Variants in MALSU1 observed in about 807,000 individuals in gnomAD.
The protein encoded by MALSU1 is mitochondrial assembly of ribosomal large subunit protein 1.
MALSU1 carries 22 observed loss-of-function variants against 22.1 expected under a neutral mutation model. That is an observed-to-expected ratio of 1.00 (90% confidence interval 0.71 to 1.42). MALSU1 has a LOEUF of 1.42. Ranked by LOEUF, MALSU1 falls within the 40% of genes most tolerant of loss-of-function variation. MALSU1 has a pLI of 0.00. For missense variants in MALSU1, 379 were observed against 308.3 expected (o/e 1.23, Z -1.72); for synonymous variants, 153 against 118.5 (o/e 1.29, Z -1.89).
At chr7:23,304,624 C>G (rs1398815576) in intron 2 of MALSU1, among the ~76,000 whole-genome samples, 1 of 152,182 alleles carries the variant, frequency 6.6e-6, no homozygotes, top group African/African-American at 2.4e-5. Context: ...CTCAGCCTCC[C>G]AAGTTGCTAG....
chr7:23,304,185 T>C lies in MALSU1; in HGVS notation c.435+3168T>C, dbSNP rs758237164. On this transcript the variant is annotated intron_variant, in intron 2 of 3. Coordinates refer to ENST00000466681, the MANE Select transcript of MALSU1 (RefSeq NM_138446.2). ...AAAGAAATGGGATTGCTGGATCATA[T>C]AGTGATTCTGTTTTTAATTTTTTTT... Among the ~76,000 whole-genome samples the C allele has an allele frequency of 1.4e-4, 22 of 152,220 alleles. No homozygotes were observed. In the East Asian group the frequency reaches 2.1e-3, roughly 15 times the overall value.
intron 2 of MALSU1, among the ~76,000 whole-genome samples, chr7:23,305,969 C>T (rs985294841): frequency 2.6e-5 from 4 of 152,130 alleles, no homozygotes; most frequent in Non-Finnish European, 5.9e-5. Flanking sequence ...CCGAGGCAGG[C>T]AGATCACCTG....
chr7:23,307,054 C>G (rs960132548), intron 2 of MALSU1, among the ~76,000 whole-genome samples: 1 of 152,112 alleles, frequency 6.6e-6, no homozygotes, highest in Non-Finnish European at 1.5e-5. Context: ...TAGTTATGGT[C>G]TATTGAAACT....
chr7:23,299,448 C>T lies in MALSU1; in HGVS notation c.96C>T (p.Pro32=), dbSNP rs781098009. Residue 32 remains proline, a synonymous_variant, in exon 1 of 4, where the codon CCC becomes CCT. Coordinates refer to ENST00000466681, the MANE Select transcript of MALSU1 (RefSeq NM_138446.2). The part of the protein sequence containing the change: ...SVAGSAVGAE[P]GLRLLAVQRL... ...CGGGGTCCGCGGTTGGAGCCGAGCC[C>T]GGGCTTCGGCTGCTGGCCGTGCAGC... The T allele has an allele frequency of 3.1e-6, 5 of 1,606,774 alleles. No homozygotes were observed. The highest frequency in any genetic ancestry group is 1.7e-4 in the Middle Eastern group (1 of 5,806).
At chr7:23,309,214 A>G (rs1198914330) in intron 3 of MALSU1, 142 bp from the exon 4 acceptor site, 3 of 676,284 alleles carry the variant, frequency 4.4e-6, no homozygotes, top group Non-Finnish European at 7.3e-6. Flanking sequence ...TTTTGCTGGG[A>G]TGGAGTCCAC....
chr7:23,303,338 A>G (rs772104320), intron 2 of MALSU1, among the ~76,000 whole-genome samples: 13 of 152,240 alleles, frequency 8.5e-5, no homozygotes, highest in Admixed American at 2.0e-4. Flanking sequence ...AGGTTCATCC[A>G]TGTAGTAGCA....
chr7:23,309,528 G>GT lies in MALSU1; in HGVS notation c.692dup (p.Leu231PhefsTer4), dbSNP rs1562659298. The GT allele has an allele frequency of 1.9e-6, 3 of 1,595,868 alleles. No individual in the cohort carries two copies. Reference sequence around the variant, plus strand: ...ATACTTCATCTGTGACTCCAGTGGAGTTAAAATGTGAATAAAATATTTTAT... The same window carrying GT: ...ATACTTCATCTGTGACTCCAGTGGAGTTTAAAATGTGAATAAAATATTTTAT... On this transcript the variant is annotated frameshift_variant, in exon 4 of 4. Transcript: ENST00000466681. LOFTEE classifies it high-confidence loss of function.
intron 2 of MALSU1, 22 bp from the exon 3 acceptor site, chr7:23,307,846 T>C: frequency 1.3e-6 from 2 of 1,583,448 alleles, no homozygotes; most frequent in Non-Finnish European, 1.7e-6. Context: ...CTCCCTTTAA[T>C]AAACCACCTG....
Position 23,299,571 on chromosome 7 carries a change from G to A in MALSU1, c.219G>A (p.Gly73=). The A allele has an allele frequency of 3.1e-6, 5 of 1,604,510 alleles. No individual in the cohort carries two copies. Among genetic ancestry groups the A allele is most frequent in the Non-Finnish European group, 4.3e-6 (5 of 1,175,984 alleles). ...SEPGLEERAE[G]TVNEGRPESD... is the part of the protein sequence containing the mutation. ...CTGGGCTGGAGGAGCGGGCGGAGGG[G>A]ACGGTCAACGAGGGACGCCCAGAAT... The change falls in exon 1 of 4, where the codon GGG becomes GGA. Residue 73 remains glycine, a synonymous_variant. Coordinates refer to ENST00000466681, the MANE Select transcript of MALSU1 (RefSeq NM_138446.2).
intron 2 of MALSU1, among the ~76,000 whole-genome samples, chr7:23,303,931 C>A (rs1344690766): frequency 2.0e-5 from 3 of 151,334 alleles, no homozygotes; most frequent in East Asian, 3.9e-4. Context: ...AATGGTGAAA[C>A]CCTGTCTCTA....
chr7:23,299,937 G>A (rs893880346), intron 1 of MALSU1, among the ~76,000 whole-genome samples: 9 of 152,166 alleles, frequency 5.9e-5, no homozygotes, highest in Non-Finnish European at 2.9e-5. Context: ...GTTGGGGCTT[G>A]AGGATTCTGA....
intron 2 of MALSU1, among the ~76,000 whole-genome samples, chr7:23,302,811 CTG>C (rs1298344743): frequency 6.6e-6 from 1 of 152,202 alleles, no homozygotes; most frequent in Non-Finnish European, 1.5e-5. Context: ...GAGTCTCGCT[CTG>C]TCGCCCAGGC....
chr7:23,309,340 T>TATC lies in MALSU1; in HGVS notation c.518-15_518-13dup. 4 of 1,598,262 alleles carry TATC rather than the reference T, an allele frequency of 2.5e-6. No individual in the cohort carries two copies. The highest frequency in any genetic ancestry group is 3.4e-6 in the Non-Finnish European group (4 of 1,173,756). ...TGAACTATTCCTTCATTGTATCTCT[T>TATC]ATCTGTCCCTGACAGGCAGCATGGT... On this transcript the variant is annotated splice_polypyrimidine_tract_variant and intron_variant, in intron 3 of 3. Coordinates refer to ENST00000466681, the MANE Select transcript of MALSU1 (RefSeq NM_138446.2).
intron 1 of MALSU1, 150 bp from the exon 2 acceptor site, chr7:23,300,689 A>C (rs937654978): frequency 1.6e-6 from 1 of 640,734 alleles, no homozygotes; most frequent in African/African-American, 1.8e-5. Flanking sequence ...GCCCAGGTTC[A>C]CCTTCCAGGA....
rs760838226 is a variant in MALSU1 at position 23,299,365 on chromosome 7, G to C, written c.13G>C (p.Gly5Arg). 6.3e-7 allele frequency: 1 copy of C among 1,578,516 alleles called. No individual in the cohort carries two copies. The highest frequency in any genetic ancestry group is 2.3e-5 in the East Asian group (1 of 44,348). MGPG[G>R]RVARLLAPLM... ...CAAGGCTGCTGCTATGGGGCCGGGC[G>C]GCCGTGTGGCGCGGCTGCTCGCCCC... is the stretch of plus-strand genomic sequence containing the variant. The change falls in exon 1 of 4, where the codon GGC becomes CGC. Residue 5 changes from glycine to arginine, a missense_variant. Coordinates refer to ENST00000466681, the MANE Select transcript of MALSU1 (RefSeq NM_138446.2).
Position 23,311,346 on chromosome 7 carries a change from C to T in MALSU1, c.*1803C>T, listed in dbSNP as rs547268841. ...AGTCTTGCATCTCTTCACTGATGCA[C>T]TTTCTTTAGGTATTGATAGTCAGAA... On this transcript the variant is annotated 3_prime_UTR_variant, in exon 4 of 4. Transcript: ENST00000466681. 5.2e-5 allele frequency: 8 copies of T among 152,704 alleles called. No homozygotes were observed. In the South Asian group the frequency reaches 1.7e-3, roughly 32 times the overall value. 9.5% of individuals were successfully genotyped at this position (152,704 alleles called of 1,614,324 possible).
intron 2 of MALSU1, among the ~76,000 whole-genome samples, chr7:23,301,998 C>T (rs1783655159): frequency 6.6e-6 from 1 of 151,860 alleles, no homozygotes; most frequent in Non-Finnish European, 1.5e-5. Flanking sequence ...AAATTCAGTT[C>T]TGCAGTTATA....
Position 23,299,347 on chromosome 7 carries a change from G to C in MALSU1, c.-6G>C. On this transcript the variant is annotated 5_prime_UTR_variant, in exon 1 of 4. Transcript: ENST00000466681. ...CCACCCGCGACGCCGACGCAAGGCT[G>C]CTGCTATGGGGCCGGGCGGCCGTGT... 3.2e-6 allele frequency: 5 copies of C among 1,558,520 alleles called. No homozygotes were observed. The highest frequency in any genetic ancestry group is 2.3e-5 in the South Asian group (2 of 86,000).
chr7:23,305,853 AGT>A (rs995133272), intron 2 of MALSU1, among the ~76,000 whole-genome samples: 4 of 152,096 alleles, frequency 2.6e-5, no homozygotes, highest in African/African-American at 9.7e-5. Flanking sequence ...TTCTTTCAGC[AGT>A]GTTTTGTAGT....
Sources: allele counts gnomAD v4.1 joint callset (sites outside exome capture counted in the v4.1 genomes callset), GRCh38; gene constraint gnomAD v4.1.1; transcripts MANE v1.5; gene names NCBI Gene and HGNC (gene_info 2026-07-23, HGNC 2026-07-21).